The following IQSEC1 variants were observed in gnomAD, a reference collection of about 807,000 sequenced individuals.
The protein encoded by IQSEC1 is IQ motif and SEC7 domain-containing protein 1.
IQSEC1 carries 31 observed loss-of-function variants against 91.0 expected under a neutral mutation model. The observed-to-expected ratio is 0.34, with a 90% confidence interval of 0.26 to 0.46. The LOEUF (loss-of-function observed/expected upper bound fraction) is 0.46. Among genes scored for constraint, IQSEC1 ranks in the 20% least tolerant of loss-of-function variants. IQSEC1 has a pLI of 1.00. For missense variants in IQSEC1, 1,388 were observed against 1,575.6 expected, an observed-to-expected ratio of 0.88 and a Z score of 2.02; for synonymous variants, 699 against 662.6, an observed-to-expected ratio of 1.05 and a Z score of -0.84.
intron 1 of IQSEC1, among the ~76,000 whole-genome samples, chr3:12,968,003 C>T (rs985771188): frequency 1.3e-5 from 2 of 152,204 alleles, no homozygotes; most frequent in Admixed American, 6.5e-5. Flanking sequence ...CATCCAGGTC[C>T]CAGCGCGCGA....
chr3:13,097,742 C>CA (rs1705989444), intron 2 of IQSEC1, among the ~76,000 whole-genome samples: 1 of 152,152 alleles, frequency 6.6e-6, no homozygotes, highest in Admixed American at 6.6e-5. Flanking sequence ...CAGGGCTGAA[C>CA]ATTTTTTTTT....
At chr3:13,070,399 A>G (rs1045966026) in intron 1 of IQSEC1, among the ~76,000 whole-genome samples, 1 of 152,236 alleles carries the variant, frequency 6.6e-6, no homozygotes, top group Non-Finnish European at 1.5e-5. Context: ...GGCAGCTCTG[A>G]TAGTGGCTAC....
chr3:13,144,290 G>A (rs1706848873), intron 2 of IQSEC1, among the ~76,000 whole-genome samples: 1 of 152,224 alleles, frequency 6.6e-6, no homozygotes, highest in Non-Finnish European at 1.5e-5. Context: ...GGCTCTGGCT[G>A]CCTAGAAAGC....
At chr3:13,084,571 CT>C (rs1430605578) in intron 2 of IQSEC1, among the ~76,000 whole-genome samples, 2 of 152,314 alleles carry the variant, frequency 1.3e-5, no homozygotes, top group African/African-American at 4.8e-5. Context: ...CATGATGGCC[CT>C]GGGCACTCTG....
intron 1 of IQSEC1, among the ~76,000 whole-genome samples, chr3:13,164,701 T>C (rs1034243637): frequency 2.0e-5 from 3 of 152,236 alleles, no homozygotes; most frequent in Non-Finnish European, 4.4e-5. Flanking sequence ...ACTTGAACTT[T>C]CACGAAGACT....
In IQSEC1 at chr3:12,967,892, CGGGGGGTCAGGGG is replaced by C. The variant is rs1700702044; in HGVS notation, c.24-26040_24-26028del. ...GGCGCCGCGGAAGAAGCACAGGGGG[CGGGGGGTCAGGGG>C]CGGGGCGTCAGGGGCGGGGCTACGC... On this transcript the variant is annotated intron_variant, in intron 1 of 13. Coordinates refer to ENST00000613206, the MANE Select transcript of IQSEC1 (RefSeq NM_001134382.3). The surrounding 1 kb of genome is among the most constrained non-coding windows in gnomAD (Gnocchi z 5.9). Among the ~76,000 whole-genome samples, 1 of 5,908 alleles carries C rather than the reference CGGGGGGTCAGGGG, an allele frequency of 1.7e-4. No homozygotes were observed. The highest frequency in any genetic ancestry group is 9.5e-4 in the African/African-American group (1 of 1,058). The allele number at this position is 5,908 out of a possible 152,430, so 3.9% of individuals were successfully genotyped here.
At chr3:12,941,499 G>A in intron 2 of IQSEC1, 72 bp downstream of exon 2, 2 of 1,393,952 alleles carry the variant, frequency 1.4e-6, no homozygotes, top group Non-Finnish European at 1.9e-6. Context: ...CACCATGCCT[G>A]GTGGGGGCAC....
At chr3:13,279,913 C>T (rs1294214744) in intron 1 of IQSEC1, among the ~76,000 whole-genome samples, 2 of 152,216 alleles carry the variant, frequency 1.3e-5, no homozygotes, top group Non-Finnish European at 2.9e-5. Context: ...TTTCCCTCTC[C>T]ATGCCTCCTG....
chr3:13,064,142 G>A (rs1705161004), intron 1 of IQSEC1, among the ~76,000 whole-genome samples: 1 of 152,036 alleles, frequency 6.6e-6, no homozygotes, highest in Non-Finnish European at 1.5e-5. Context: ...GTAGCTTTCC[G>A]ATTTTGCTTG....
chr3:13,012,018 G>C (rs1175157420), intron 1 of IQSEC1, among the ~76,000 whole-genome samples: 1 of 152,224 alleles, frequency 6.6e-6, no homozygotes, highest in Non-Finnish European at 1.5e-5. Flanking sequence ...AAGTGGGCAT[G>C]AGGCACCACC....
chr3:13,102,648 C>T (rs1343135589), intron 2 of IQSEC1, among the ~76,000 whole-genome samples: 1 of 152,172 alleles, frequency 6.6e-6, no homozygotes, highest in Non-Finnish European at 1.5e-5. Context: ...AACCACGGAG[C>T]TCCCCTCACG....
At chr3:13,079,599 T>C (rs563794835) in intron 2 of IQSEC1, among the ~76,000 whole-genome samples, 4 of 152,276 alleles carry the variant, frequency 2.6e-5, no homozygotes, top group African/African-American at 7.2e-5. Flanking sequence ...CCCTGAGAGA[T>C]AGAGGCCCCT....
chr3:13,136,836 A>G lies in IQSEC1; in HGVS notation c.302+27268T>C, dbSNP rs181603455. ...AATGAGAGTGTAAGCTGGAAGGACC[A>G]CTTTAAAAATCATTCTGGGGCCGGG... On this transcript the variant is annotated intron_variant, in intron 2 of 15. Transcript: ENST00000648114. Among the ~76,000 whole-genome samples, 409 of 152,278 alleles carry G rather than the reference A, an allele frequency of 2.7e-3. 6 individuals are homozygous for G. Among genetic ancestry groups the G allele is most frequent in the African/African-American group, 9.6e-3 (399 of 41,574 alleles).
At chr3:13,162,629 A>G (rs1410849049) in intron 2 of IQSEC1, among the ~76,000 whole-genome samples, 2 of 152,162 alleles carry the variant, frequency 1.3e-5, no homozygotes, top group Non-Finnish European at 2.9e-5. Flanking sequence ...TTGCTGACAA[A>G]TTAAATAAGA....
In IQSEC1 at chr3:13,138,224, C is replaced by T. The variant is rs577044866; in HGVS notation, c.302+25880G>A. 3.3e-4 allele frequency among the ~76,000 whole-genome samples: 51 copies of T among 152,278 alleles called. 1 individual carries two copies. The South Asian group carries it at 0.01, about 30-fold the overall frequency. On this transcript the variant is annotated intron_variant, in intron 2 of 15. Coordinates refer to the IQSEC1 transcript ENST00000648114. ...AGTACACAGGCAGCTTTGGAGTCCT[C>T]GGCTTGCCACTGGAGGCTCCCAGCG...
chr3:13,026,659 C>T (rs1157544365), intron 1 of IQSEC1, among the ~76,000 whole-genome samples: 2 of 152,162 alleles, frequency 1.3e-5, no homozygotes, highest in African/African-American at 4.8e-5. Flanking sequence ...GATACACTTC[C>T]CTTCTCCAGG....
chr3:13,015,061 G>A (rs1181219868), intron 1 of IQSEC1, among the ~76,000 whole-genome samples: 2 of 152,162 alleles, frequency 1.3e-5, no homozygotes, highest in Non-Finnish European at 2.9e-5. Context: ...GGTTGAGGGG[G>A]GCAGCAGTGT....
chr3:12,905,035 T>C (rs569722377), intron 12 of IQSEC1, among the ~76,000 whole-genome samples: 86 of 152,350 alleles, frequency 5.6e-4, no homozygotes, highest in African/African-American at 1.9e-3. Flanking sequence ...CCCTCTGTGC[T>C]GAGTCCTAGA....
intron 1 of IQSEC1, among the ~76,000 whole-genome samples, chr3:13,166,496 C>A (rs1027059808): frequency 1.3e-5 from 2 of 152,236 alleles, no homozygotes; most frequent in African/African-American, 4.8e-5. Context: ...GTCCCAGGCC[C>A]AGCTTCATCC....
Sources: allele counts gnomAD v4.1 joint callset (sites outside exome capture counted in the v4.1 genomes callset), GRCh38; gene constraint gnomAD v4.1.1; non-coding constraint Gnocchi (gnomAD v3.1); transcripts MANE v1.5; gene names NCBI Gene and HGNC (gene_info 2026-07-23, HGNC 2026-07-21).